Variants in PCDHA5 observed in about 807,000 individuals in gnomAD.
PCDHA5 encodes the protein protocadherin alpha 5.
Under a neutral mutation model 61.6 loss-of-function variants are expected in PCDHA5, and 43 were observed. That is an observed-to-expected ratio of 0.70 (90% CI 0.55 to 0.90). The LOEUF is 0.90. Ranked by LOEUF, PCDHA5 falls within the 40% of genes least tolerant of loss-of-function variation. PCDHA5 has a pLI of 0.00. For missense variants in PCDHA5, 1,298 were observed against 1,222.7 expected (o/e 1.06, Z -0.92); for synonymous variants, 627 against 543.9 (o/e 1.15, Z -2.13).
intron 1 of PCDHA5, among the ~76,000 whole-genome samples, chr5:140,942,264 G>T (rs868983277): frequency 5.9e-5 from 9 of 152,122 alleles, no homozygotes; most frequent in Non-Finnish European, 1.2e-4. Flanking sequence ...GATATCTAAA[G>T]CTGGTAATGG....
intron 1 of PCDHA5, chr5:140,836,500 C>T (rs2150262394): frequency 1.2e-6 from 2 of 1,613,882 alleles, no homozygotes; most frequent in African/African-American, 1.3e-5. Flanking sequence ...GCCATCTGCG[C>T]GGTGTCCAGT....
chr5:140,883,622 G>A, intron 1 of PCDHA5: 4 of 1,614,004 alleles, frequency 2.5e-6, no homozygotes, highest in Non-Finnish European at 3.4e-6. Context: ...GAACGACAAC[G>A]CGCCGGCGTT....
chr5:140,871,141 C>T (rs1431247385), intron 1 of PCDHA5: 1 of 1,613,320 alleles, frequency 6.2e-7, no homozygotes, highest in Admixed American at 1.7e-5. Context: ...GGCCTCTTCC[C>T]GGACTTTGGC....
chr5:140,895,447 G>T (rs1188860605), intron 1 of PCDHA5, among the ~76,000 whole-genome samples: 1 of 152,060 alleles, frequency 6.6e-6, no homozygotes, highest in South Asian at 2.1e-4. Flanking sequence ...CTTTTCATGT[G>T]CTTATTGGTC....
intron 1 of PCDHA5, chr5:140,842,003 C>G: frequency 6.2e-7 from 1 of 1,613,776 alleles, no homozygotes; most frequent in Non-Finnish European, 8.5e-7. Flanking sequence ...CACTGTTCAG[C>G]TGCTGGTCAC....
intron 1 of PCDHA5, chr5:140,877,301 A>G: frequency 1.2e-6 from 2 of 1,613,876 alleles, no homozygotes. Context: ...CTGTCCTACG[A>G]GTTGCAACCG....
intron 2 of PCDHA5, among the ~76,000 whole-genome samples, chr5:140,981,529 G>A (rs1014315292): frequency 3.9e-5 from 6 of 152,196 alleles, no homozygotes; most frequent in East Asian, 1.9e-4. Flanking sequence ...AGCTGAGATC[G>A]TGCCACTGTA....
At chr5:140,880,842 T>C (rs1554171525) in intron 1 of PCDHA5, among the ~76,000 whole-genome samples, 1 of 152,194 alleles carries the variant, frequency 6.6e-6, no homozygotes, top group East Asian at 1.9e-4. Flanking sequence ...TTTAAATGGT[T>C]GACTATGTAG....
chr5:140,851,068 AATT>A, intron 1 of PCDHA5: 1 of 1,354,280 alleles, frequency 7.4e-7, no homozygotes, highest in Non-Finnish European at 9.7e-7. Context: ...TTCTAGTGAG[AATT>A]ATAAACTGTA....
intron 1 of PCDHA5, among the ~76,000 whole-genome samples, chr5:140,937,679 G>A (rs1357548421): frequency 5.9e-5 from 9 of 151,884 alleles, no homozygotes; most frequent in African/African-American, 1.9e-4. Context: ...TTGGGAGGCT[G>A]AGGCAGGCGG....
chr5:140,984,168 A>C (rs1181991691), intron 3 of PCDHA5, among the ~76,000 whole-genome samples: 1 of 152,204 alleles, frequency 6.6e-6, no homozygotes, highest in Non-Finnish European at 1.5e-5. Context: ...TTCCCAAAGA[A>C]GCCACGTGAA....
Position 140,946,611 on chromosome 5 carries a change from AAT to A in PCDHA5, c.2353-32318_2353-32317del, listed in dbSNP as rs1554217734. On this transcript the variant is annotated intron_variant, in intron 1 of 3. Coordinates refer to ENST00000529859, the MANE Select transcript of PCDHA5 (RefSeq NM_018908.3). ...GGATGAATAGATAAAGAAAATGTGA[AAT>A]ATATATATATATATATATACAATGG... is the stretch of plus-strand genomic sequence containing the variant. 5.8e-3 allele frequency among the ~76,000 whole-genome samples: 503 copies of A among 86,618 alleles called. 18 individuals are homozygous for A. The highest frequency in any genetic ancestry group is 0.022 in the Middle Eastern group (4 of 186). The allele number at this position is 86,618 out of a possible 152,430, so 56.8% of individuals were successfully genotyped here. A position where few individuals can be genotyped will look rare whatever the true frequency, so the allele number is the denominator to read the frequency against.
At chr5:140,865,948 A>T (rs1324483727) in intron 1 of PCDHA5, 1 of 152,186 alleles carries the variant, frequency 6.6e-6, no homozygotes, top group African/African-American at 2.4e-5. Flanking sequence ...GATTGTCTTC[A>T]TCATTAATTT....
At position 141,010,421 on chromosome 5, in the gene PCDHA5, A is replaced by T. The variant is rs1486731012; in HGVS notation, c.*484A>T. The T allele has an allele frequency of 8.7e-7, 1 of 1,148,142 alleles. No homozygotes were observed. Among genetic ancestry groups the T allele is most frequent in the Admixed American group, 2.9e-5 (1 of 34,726 alleles). The allele number at this position is 1,148,142 out of a possible 1,614,324, so 71.1% of individuals were successfully genotyped here. A position where few individuals can be genotyped will look rare whatever the true frequency, so the allele number is the denominator to read the frequency against. ...CAGCTTAGACTAATTGGTACAAGGAAGGCAAGAAAACAAAGACAAATAAAC... is the reference window on the plus strand; with the variant it reads ...CAGCTTAGACTAATTGGTACAAGGATGGCAAGAAAACAAAGACAAATAAAC... On this transcript the variant is annotated 3_prime_UTR_variant, in exon 4 of 4. Coordinates refer to ENST00000529859, the MANE Select transcript of PCDHA5 (RefSeq NM_018908.3).
rs782362205 is a variant in PCDHA5 at position 141,009,960 on chromosome 5, A to G, written c.*23A>G. The G allele has an allele frequency of 6.3e-7, 1 of 1,589,232 alleles. No homozygotes were observed. The highest frequency in any genetic ancestry group is 2.2e-5 in the East Asian group (1 of 44,694). On this transcript the variant is annotated 3_prime_UTR_variant, in exon 4 of 4. Transcript: ENST00000529859. The stretch of plus-strand genomic sequence containing the variant: ...TGAGGTCCTCAAATGGAAACAAGCC[A>G]CTTAGCCAGTTTTTGTAATAATGGC...
intron 1 of PCDHA5, among the ~76,000 whole-genome samples, chr5:140,936,139 C>T (rs1166879357): frequency 6.6e-6 from 1 of 152,078 alleles, no homozygotes; most frequent in Non-Finnish European, 1.5e-5. Flanking sequence ...GTGATCTGCC[C>T]GCCTTGGCCT....
At chr5:140,854,852 A>G (rs1161281269) in intron 1 of PCDHA5, among the ~76,000 whole-genome samples, 1 of 149,940 alleles carries the variant, frequency 6.7e-6, no homozygotes, top group African/African-American at 2.4e-5. Flanking sequence ...TGATAAAATT[A>G]CTAGATATAT....
chr5:140,937,937 G>T (rs1584936873), intron 1 of PCDHA5, among the ~76,000 whole-genome samples: 1 of 151,274 alleles, frequency 6.6e-6, no homozygotes. Flanking sequence ...AGTTTAATTT[G>T]ATAATTGGCT....
At chr5:140,949,234 A>C (rs2094354068) in intron 1 of PCDHA5, among the ~76,000 whole-genome samples, 1 of 151,820 alleles carries the variant, frequency 6.6e-6, no homozygotes, top group South Asian at 2.1e-4. Flanking sequence ...TCTGTGGCCC[A>C]GCAACAGTCT....
Sources: allele counts gnomAD v4.1 joint callset (sites outside exome capture counted in the v4.1 genomes callset), GRCh38; gene constraint gnomAD v4.1.1; transcripts MANE v1.5; gene names NCBI Gene and HGNC (gene_info 2026-07-23, HGNC 2026-07-21).